Variants in IRF4 observed in about 807,000 individuals in gnomAD.
The protein encoded by IRF4 is lymphocyte-specific interferon regulatory factor.
A neutral mutation model predicts 55.5 loss-of-function variants in IRF4; 13 were observed. That is an observed-to-expected ratio of 0.23 (90% confidence interval 0.15 to 0.37). The LOEUF is 0.37. IRF4 is among the 10% of genes least tolerant of loss of function. The pLI, the probability that IRF4 is intolerant of heterozygous loss-of-function variation, is 1.00. For missense variants in IRF4, 397 were observed against 593.8 expected (o/e 0.67, Z 3.44); for synonymous variants, 249 against 240.7 (o/e 1.03, Z -0.32).
intron 2 of IRF4, 81 bp from the exon 3 acceptor site, chr6:394,740 G>A: frequency 7.4e-7 from 1 of 1,349,584 alleles, no homozygotes; most frequent in East Asian, 2.3e-5. Flanking sequence ...GGGCAGCAGA[G>A]CAGGACTCTG....
intron 7 of IRF4, among the ~76,000 whole-genome samples, chr6:404,514 T>G (rs1446635258): frequency 6.6e-6 from 1 of 152,248 alleles, no homozygotes; most frequent in Non-Finnish European, 1.5e-5. Flanking sequence ...ACATATTTTC[T>G]GTGGTGCCTG....
intron 6 of IRF4, among the ~76,000 whole-genome samples, chr6:399,832 C>T (rs1028526054): frequency 6.6e-6 from 1 of 152,188 alleles, no homozygotes; most frequent in Non-Finnish European, 1.5e-5. Flanking sequence ...ATGAGGCTTG[C>T]ACCTTTTTTT....
rs1481134386 is a variant in IRF4 at position 401,414 on chromosome 6, G to A, written c.746-10G>A. ...CCCCCAGCACTGACTCCGGAGCTCTGTGTTTGCAGACTGCCGGCTGCACAT... is the reference window on the plus strand; with the variant it reads ...CCCCCAGCACTGACTCCGGAGCTCTATGTTTGCAGACTGCCGGCTGCACAT... On this transcript the variant is annotated splice_polypyrimidine_tract_variant and intron_variant, in intron 6 of 8. Coordinates refer to ENST00000380956, the MANE Select transcript of IRF4 (RefSeq NM_002460.4). 2 of 1,606,908 alleles carry A rather than the reference G, an allele frequency of 1.2e-6. No homozygotes were observed. Among genetic ancestry groups the A allele is most frequent in the African/African-American group, 1.3e-5 (1 of 74,976 alleles).
chr6:396,572 TCCTGCACTCCTTTACCC>T (rs1431007858), intron 4 of IRF4, among the ~76,000 whole-genome samples: 7 of 148,988 alleles, frequency 4.7e-5, no homozygotes, highest in African/African-American at 1.5e-4. Context: ...TCTCAGCCTC[TCCTGCACTCCTTTACCC>T]CCGTCTCGAT....
chr6:395,039 C>G, intron 3 of IRF4, 32 bp downstream of exon 3: 3 of 1,506,322 alleles, frequency 2.0e-6, no homozygotes, highest in Non-Finnish European at 2.7e-6. Flanking sequence ...GGTCACCTAA[C>G]AGAGGCAGCC....
chr6:393,007 C>A lies in IRF4; in HGVS notation c.-55-91C>A, dbSNP rs185609020. The A allele has an allele frequency of 1.4e-6, 1 of 734,282 alleles. No individual in the cohort carries two copies. Among genetic ancestry groups the A allele is most frequent in the East Asian group, 2.9e-5 (1 of 33,976 alleles). The allele number at this position is 734,282 out of a possible 1,614,324, so 45.5% of individuals were successfully genotyped here. A position where few individuals can be genotyped will look rare whatever the true frequency, so the allele number is the denominator to read the frequency against. On this transcript the variant is annotated intron_variant, in intron 1 of 8. Coordinates refer to ENST00000380956, the MANE Select transcript of IRF4 (RefSeq NM_002460.4). The surrounding 1 kb of genome is among the most constrained non-coding windows in gnomAD (Gnocchi z 5.4). Reference sequence around the variant, plus strand: ...CGCGCGCTTCGCAGCCTCAAAGACTCCGGGGCCTCGTGGTCACTGGCGCAG... The same window carrying A: ...CGCGCGCTTCGCAGCCTCAAAGACTACGGGGCCTCGTGGTCACTGGCGCAG...
Position 393,159 on chromosome 6 carries a change from C to A in IRF4, c.7C>A (p.Leu3Met). The A allele has an allele frequency of 6.5e-7, 1 of 1,549,872 alleles. No individual in the cohort carries two copies. Among genetic ancestry groups the A allele is most frequent in the Non-Finnish European group, 8.7e-7 (1 of 1,146,514 alleles). Reference protein sequence around the residue: MNLEGGGRGGEFG... With the variant: MNMEGGGRGGEFG... ...CGCGGACGGCACGCGGGGCATGAAC[C>A]TGGAGGGCGGCGGCCGAGGCGGAGA... The change falls in exon 2 of 9, where the codon CTG (leucine) becomes ATG (methionine). Residue 3 changes from leucine to methionine, a missense_variant. Transcript: ENST00000380956. The surrounding 1 kb of genome is among the most constrained non-coding windows in gnomAD (Gnocchi z 5.4).
rs1269654393 is a variant in IRF4, at chr6:393,466, G to T, written c.216+98G>T. On this transcript the variant is annotated intron_variant, in intron 2 of 8. Transcript: ENST00000380956. This position sits in a 1 kb window ranked among gnomAD's most constrained non-coding sequence, Gnocchi z 5.4. ...GCCTCCGAGGCGAGCCCAGGGGACC[G>T]CGCGGGGCGGACGGGCGGGCGGCGG... The T allele has an allele frequency of 3.4e-6, 3 of 879,692 alleles. No individual in the cohort carries two copies. The African/African-American group carries it at 5.3e-5, about 16-fold the overall frequency. The allele number at this position is 879,692 out of a possible 1,614,324, so 54.5% of individuals were successfully genotyped here. A position where few individuals can be genotyped will look rare whatever the true frequency, so the allele number is the denominator to read the frequency against.
chr6:393,260 G>A lies in IRF4; in HGVS notation c.108G>A (p.Lys36=). The A allele has an allele frequency of 1.3e-6, 2 of 1,594,288 alleles. No homozygotes were observed. Among genetic ancestry groups the A allele is most frequent in the Non-Finnish European group, 1.7e-6 (2 of 1,170,598 alleles). The change falls in exon 2 of 9, where the codon AAG becomes AAA. Residue 36 remains lysine, a synonymous_variant. Coordinates refer to ENST00000380956, the MANE Select transcript of IRF4 (RefSeq NM_002460.4). The surrounding 1 kb of genome is among the most constrained non-coding windows in gnomAD (Gnocchi z 5.4). ...QWLIDQIDSG[K]YPGLVWENEE... is the part of the protein sequence containing the mutation. ...TGATCGACCAGATCGACAGCGGCAA[G>A]TACCCCGGGCTGGTGTGGGAGAACG...
intron 5 of IRF4, 167 bp downstream of exon 5, chr6:397,419 G>A: frequency 2.9e-6 from 2 of 699,446 alleles, no homozygotes; most frequent in Non-Finnish European, 4.7e-6. Context: ...TGGGATGGTG[G>A]CATCCCACAG....
At chr6:403,070 A>T (rs747900549) in intron 7 of IRF4, among the ~76,000 whole-genome samples, 6 of 152,264 alleles carry the variant, frequency 3.9e-5, no homozygotes, top group Non-Finnish European at 5.9e-5. Context: ...GCTCACACAG[A>T]GGCTGACCAT....
At position 401,577 on chromosome 6, in the gene IRF4, A is replaced by G; in HGVS notation, c.899A>G (p.Gln300Arg). ...VLFPYPEDNG[Q>R]RKNIEKLLSH... ...TTCCCCTACCCAGAGGACAATGGCC[A>G]GAGGAAAAACATTGAGAAGCTGCTG... The change falls in exon 7 of 9, where the codon CAG becomes CGG. Residue 300 changes from glutamine to arginine, a missense_variant. Gln to Arg is a conservative substitution (Grantham distance 43, BLOSUM62 1). Around this residue, in one of 3 missense-constraint regions of IRF4, gnomAD observed 341 missense variants for 548.1 expected, o/e 0.62. Coordinates refer to ENST00000380956, the MANE Select transcript of IRF4 (RefSeq NM_002460.4). 1 of 1,614,138 alleles carries G rather than the reference A, an allele frequency of 6.2e-7. No homozygotes were observed. The highest frequency in any genetic ancestry group is 8.5e-7 in the Non-Finnish European group (1 of 1,180,036).
At chr6:403,479 T>C (rs377043015) in intron 7 of IRF4, among the ~76,000 whole-genome samples, 3 of 152,196 alleles carry the variant, frequency 2.0e-5, no homozygotes, top group East Asian at 3.8e-4. Context: ...CTGGGCGTTT[T>C]TAGGGAGGTA....
Position 395,181 on chromosome 6 carries a change from A to G in IRF4, c.403+174A>G, listed in dbSNP as rs536150712. On this transcript the variant is annotated intron_variant, in intron 3 of 8. Coordinates refer to ENST00000380956, the MANE Select transcript of IRF4 (RefSeq NM_002460.4). ...CCTGAGTTATGTGGGTCACAAGTTGAAATTCCTGTGGGGTTCAGCATAGGA... is the reference window on the plus strand; with the variant it reads ...CCTGAGTTATGTGGGTCACAAGTTGGAATTCCTGTGGGGTTCAGCATAGGA... Among the ~76,000 whole-genome samples, 9 of 151,800 alleles carry G rather than the reference A, an allele frequency of 5.9e-5. No homozygotes were observed. The East Asian group carries it at 1.5e-3, about 26-fold the overall frequency.
At chr6:395,781 T>C in intron 3 of IRF4, 66 bp from the exon 4 acceptor site, 1 of 1,166,920 alleles carries the variant, frequency 8.6e-7, no homozygotes. Context: ...TTTACAAGAT[T>C]TGACATTTAG....
At chr6:407,411 T>G in intron 8 of IRF4, 44 bp from the exon 9 acceptor site, 15 of 1,566,624 alleles carry the variant, frequency 9.6e-6, no homozygotes, top group Non-Finnish European at 1.3e-5. Context: ...GTGAGCCAGT[T>G]GCAGGATATC....
At chr6:405,369 AG>A (rs1395665601) in intron 8 of IRF4, among the ~76,000 whole-genome samples, 1 of 152,178 alleles carries the variant, frequency 6.6e-6, no homozygotes, top group East Asian at 1.9e-4. Context: ...GCCTCAAAGG[AG>A]GGTGCCTCTT....
At position 397,194 on chromosome 6, in the gene IRF4, A is replaced by G. The variant is rs1761287879; in HGVS notation, c.579A>G (p.Gln193=). ...AGCCACACCCGGAAATCCCGTACCAATGTCCCATGACGTTTGGACCCCGCG... is the reference window on the plus strand; with the variant it reads ...AGCCACACCCGGAAATCCCGTACCAGTGTCCCATGACGTTTGGACCCCGCG... ...PDQPHPEIPY[Q]CPMTFGPRGH... The change falls in exon 5 of 9, where the codon CAA becomes CAG. Residue 193 remains glutamine, a synonymous_variant. Coordinates refer to ENST00000380956, the MANE Select transcript of IRF4 (RefSeq NM_002460.4). 2 of 1,614,272 alleles carry G rather than the reference A, an allele frequency of 1.2e-6. No homozygotes were observed. The highest frequency in any genetic ancestry group is 8.5e-7 in the Non-Finnish European group (1 of 1,180,054).
intron 4 of IRF4, 146 bp downstream of exon 4, chr6:396,081 A>G (rs939520195): frequency 8.1e-5 from 51 of 629,952 alleles, no homozygotes; most frequent in Non-Finnish European, 1.2e-4. Flanking sequence ...AGGTCACTGA[A>G]CGAATGTCTC....
Sources: allele counts gnomAD v4.1 joint callset (sites outside exome capture counted in the v4.1 genomes callset), GRCh38; gene constraint gnomAD v4.1.1; regional missense constraint gnomAD v4.1.1; non-coding constraint Gnocchi (gnomAD v3.1); transcripts MANE v1.5; gene names NCBI Gene and HGNC (gene_info 2026-07-23, HGNC 2026-07-21).